Variants in ERBIN observed in about 807,000 individuals in gnomAD.
ERBIN encodes densin-180-like protein.
In ERBIN, 60 loss-of-function variants were observed where a neutral mutation model predicts 158.4. That is an observed-to-expected ratio of 0.38 (90% CI 0.31 to 0.47). The LOEUF (loss-of-function observed/expected upper bound fraction) is 0.47. ERBIN is among the 20% of genes least tolerant of loss of function. The pLI is 0.99. For missense variants in ERBIN, 1,610 were observed against 1,648.0 expected (o/e 0.98, Z 0.40); for synonymous variants, 594 against 557.2 (o/e 1.07, Z -0.93).
chr5:65,957,523 C>CG (rs1221913157), intron 1 of ERBIN, among the ~76,000 whole-genome samples: 1 of 152,110 alleles, frequency 6.6e-6, no homozygotes, highest in Non-Finnish European at 1.5e-5. Flanking sequence ...CAGAGAGCAC[C>CG]GGGTTGGGGG....
At chr5:66,060,795 G>A (rs138270049) in intron 21 of ERBIN, among the ~76,000 whole-genome samples, 15 of 151,992 alleles carry the variant, frequency 9.9e-5, no homozygotes, top group African/African-American at 1.7e-4. Flanking sequence ...CATTTCGTTA[G>A]GTACCCAGTA....
At chr5:65,948,945 G>T (rs965255878) in intron 1 of ERBIN, among the ~76,000 whole-genome samples, 3 of 151,752 alleles carry the variant, frequency 2.0e-5, no homozygotes, top group Non-Finnish European at 4.4e-5. Flanking sequence ...TGTGTTTTTG[G>T]TAGAGACGGG....
chr5:66,055,023 A>G, intron 21 of ERBIN, 72 bp downstream of exon 21: 2 of 1,448,804 alleles, frequency 1.4e-6, no homozygotes, highest in South Asian at 1.5e-5. Flanking sequence ...ATGAAACAAG[A>G]TTCTCTGAAT....
chr5:66,041,525 A>G (rs544402619), intron 15 of ERBIN, among the ~76,000 whole-genome samples: 1 of 152,138 alleles, frequency 6.6e-6, no homozygotes, highest in Non-Finnish European at 1.5e-5. Flanking sequence ...ATAGAAAGGG[A>G]TATTACCTGA....
At chr5:65,958,898 C>G (rs1561296866) in intron 1 of ERBIN, among the ~76,000 whole-genome samples, 1 of 152,062 alleles carries the variant, frequency 6.6e-6, no homozygotes, top group African/African-American at 2.4e-5. Flanking sequence ...TTAAAGTAGG[C>G]TAGAGTAAGC....
intron 1 of ERBIN, among the ~76,000 whole-genome samples, chr5:65,972,325 G>A (rs1196614886): frequency 1.3e-5 from 2 of 151,682 alleles, no homozygotes; most frequent in Admixed American, 6.6e-5. Context: ...GACCTGCTGC[G>A]GTGTCCTTAC....
chr5:65,946,709 G>T (rs1393086774), intron 1 of ERBIN, among the ~76,000 whole-genome samples: 1 of 151,916 alleles, frequency 6.6e-6, no homozygotes, highest in African/African-American at 2.4e-5. Context: ...TTCCATAGTG[G>T]TTGTACTATT....
chr5:66,068,168 AAATAATAAT>A (rs553482294), intron 21 of ERBIN, among the ~76,000 whole-genome samples: 2 of 150,982 alleles, frequency 1.3e-5, no homozygotes, highest in Non-Finnish European at 3.0e-5. Flanking sequence ...GTCTCTACAA[AAATAATAAT>A]AATAATAATA....
intron 14 of ERBIN, among the ~76,000 whole-genome samples, chr5:66,037,261 A>G (rs1179075937): frequency 1.3e-5 from 2 of 152,122 alleles, no homozygotes; most frequent in Non-Finnish European, 2.9e-5. Context: ...GAATACCACC[A>G]AGAGGCCAGT....
intron 4 of ERBIN, among the ~76,000 whole-genome samples, chr5:66,006,537 A>C (rs1165670582): frequency 6.6e-6 from 1 of 152,204 alleles, no homozygotes; most frequent in Non-Finnish European, 1.5e-5. Flanking sequence ...GCCAAAATTG[A>C]CAAATGGGAT....
At chr5:66,075,988 T>C (rs1370998399) in intron 23 of ERBIN, 4 of 226,764 alleles carry the variant, frequency 1.8e-5, no homozygotes, top group Non-Finnish European at 3.4e-5. Flanking sequence ...ATAATATACA[T>C]GTTTTGTGTT....
At chr5:65,979,290 TG>T (rs998488980) in intron 1 of ERBIN, among the ~76,000 whole-genome samples, 2 of 151,856 alleles carry the variant, frequency 1.3e-5, no homozygotes, top group African/African-American at 4.8e-5. Flanking sequence ...CTGACTGTGG[TG>T]GTGGTGCATG....
At chr5:65,957,494 G>C (rs1166162444) in intron 1 of ERBIN, among the ~76,000 whole-genome samples, 1 of 152,178 alleles carries the variant, frequency 6.6e-6, no homozygotes, top group Non-Finnish European at 1.5e-5. Context: ...ATTTAACCCT[G>C]AGTAGACACA....
chr5:66,072,099 C>CT, intron 21 of ERBIN, 70 bp from the exon 22 acceptor site: 1 of 1,486,622 alleles, frequency 6.7e-7, no homozygotes, highest in South Asian at 1.3e-5. Flanking sequence ...AATCTTCTCT[C>CT]AAGTGTCATC....
chr5:66,033,563 T>C (rs1757104071), intron 14 of ERBIN, among the ~76,000 whole-genome samples: 1 of 152,134 alleles, frequency 6.6e-6, no homozygotes, highest in Admixed American at 6.5e-5. Flanking sequence ...CTGAAAAATA[T>C]CCATTATATT....
Position 66,079,325 on chromosome 5 carries a change from A to T in ERBIN, c.*795A>T, listed in dbSNP as rs1239837462. Reference sequence around the variant, plus strand: ...TTAGTCACAGGAAATTTTTAACTCTACTGTAGATGCATGTCCATGCATTTT... The same window carrying T: ...TTAGTCACAGGAAATTTTTAACTCTTCTGTAGATGCATGTCCATGCATTTT... On this transcript the variant is annotated 3_prime_UTR_variant, in exon 26 of 26. Transcript: ENST00000284037. 6.7e-6 allele frequency: 1 copy of T among 149,902 alleles called. No individual in the cohort carries two copies. Among genetic ancestry groups the T allele is most frequent in the Non-Finnish European group, 1.5e-5 (1 of 67,620 alleles). 9.3% of individuals were successfully genotyped at this position (149,902 alleles called of 1,614,324 possible).
At chr5:65,946,219 G>T (rs1234475496) in intron 1 of ERBIN, among the ~76,000 whole-genome samples, 3 of 151,982 alleles carry the variant, frequency 2.0e-5, no homozygotes, top group East Asian at 3.9e-4. Context: ...CAAAAATCAG[G>T]TGGGTGTGGT....
At chr5:65,941,136 A>C (rs192632097) in intron 1 of ERBIN, among the ~76,000 whole-genome samples, 3 of 152,040 alleles carry the variant, frequency 2.0e-5, no homozygotes, top group African/African-American at 7.2e-5. Flanking sequence ...ATTAAGAGTC[A>C]TCACCACTCC....
At position 65,964,908 on chromosome 5, in the gene ERBIN, TTGTGTGTGTG is replaced by T. The variant is rs70987104; in HGVS notation, c.-57-23699_-57-23690del. On this transcript the variant is annotated intron_variant, in intron 1 of 25. Coordinates refer to ENST00000284037, the MANE Select transcript of ERBIN (RefSeq NM_001253697.2). ...GCGTGGGCCACCACGCCTGGCTGAT[TTGTGTGTGTG>T]TGTGTGTGTGTGTGTGTGTGTGTGT... Among the ~76,000 whole-genome samples, 363 of 107,192 alleles carry T rather than the reference TTGTGTGTGTG, an allele frequency of 3.4e-3. 4 individuals carry two copies. Among genetic ancestry groups the T allele is most frequent in the Middle Eastern group, 0.011 (2 of 190 alleles). 70.3% of individuals were successfully genotyped at this position (107,192 alleles called of 152,430 possible). A position where few individuals can be genotyped will look rare whatever the true frequency, so the allele number is the denominator to read the frequency against.
Sources: gnomAD v4.1 joint callset for allele counts (sites outside exome capture counted in the v4.1 genomes callset) on GRCh38, gnomAD v4.1.1 for gene constraint, MANE v1.5 for transcripts, NCBI Gene and HGNC (gene_info 2026-07-23, HGNC 2026-07-21) for gene names.